The following TBC1D22A variants were observed in gnomAD, a reference collection of about 807,000 sequenced individuals.
TBC1D22A encodes TBC1 domain family member 22A, also known as putative GTPase activator.
In TBC1D22A, 38 loss-of-function variants were observed where a neutral mutation model predicts 60.2. The observed-to-expected ratio is 0.63, with a 90% confidence interval of 0.49 to 0.83. TBC1D22A has a LOEUF of 0.83. TBC1D22A is among the 40% of genes least tolerant of loss of function. The pLI is 0.00. For missense variants in TBC1D22A, 628 were observed against 701.0 expected (o/e 0.90, Z 1.18); for synonymous variants, 302 against 281.7 (o/e 1.07, Z -0.72).
chr22:46,829,696 C>A (rs189393075), intron 4 of TBC1D22A, among the ~76,000 whole-genome samples: 2 of 152,286 alleles, frequency 1.3e-5, no homozygotes, highest in African/African-American at 4.8e-5. Context: ...TTATTCATCC[C>A]GATGGGGCCA....
intron 10 of TBC1D22A, among the ~76,000 whole-genome samples, chr22:47,021,659 C>T (rs1168107615): frequency 6.6e-6 from 1 of 152,298 alleles, no homozygotes; most frequent in Non-Finnish European, 1.5e-5. Flanking sequence ...TAGCAGAACC[C>T]CACCTGTAGC....
At chr22:47,159,883 A>G (rs1236080633) in intron 12 of TBC1D22A, among the ~76,000 whole-genome samples, 1 of 146,580 alleles carries the variant, frequency 6.8e-6, no homozygotes, top group Non-Finnish European at 1.5e-5. Flanking sequence ...CACCCACCAT[A>G]CATGCACACA....
At chr22:47,070,337 G>T (rs2063934351) in intron 11 of TBC1D22A, among the ~76,000 whole-genome samples, 1 of 150,148 alleles carries the variant, frequency 6.7e-6, no homozygotes, top group African/African-American at 2.5e-5. Flanking sequence ...CCTGTTGTTT[G>T]GTTGGAGCGG....
At chr22:47,153,777 G>A (rs1014745097) in intron 12 of TBC1D22A, among the ~76,000 whole-genome samples, 23 of 152,176 alleles carry the variant, frequency 1.5e-4, no homozygotes, top group African/African-American at 4.3e-4. Context: ...AACTGGGGAC[G>A]ATGTCTGCAT....
At chr22:46,774,180 G>C (rs1177923194) in intron 1 of TBC1D22A, 1 of 985,468 alleles carries the variant, frequency 1.0e-6, no homozygotes, top group African/African-American at 1.7e-5. Context: ...GGCTCCTCCA[G>C]GCTGGGGGAA....
chr22:46,800,191 A>G (rs556965323), intron 4 of TBC1D22A, among the ~76,000 whole-genome samples: 10 of 152,102 alleles, frequency 6.6e-5, no homozygotes, highest in South Asian at 2.1e-4. Flanking sequence ...CTAACTTGCT[A>G]TTATTACAAA....
At chr22:47,164,351 G>C (rs1401457493) in intron 12 of TBC1D22A, among the ~76,000 whole-genome samples, 1 of 152,248 alleles carries the variant, frequency 6.6e-6, no homozygotes, top group Non-Finnish European at 1.5e-5. Context: ...TGATTTGGAG[G>C]CACTTGTCAC....
At position 47,004,229 on chromosome 22, in the gene TBC1D22A, A is replaced by G. The variant is rs2061503334; in HGVS notation, c.1201+6520A>G. ...TACACACACCCCTACACACACCCCTATATACACGCATCTGCCATATACACA... is the reference window on the plus strand; with the variant it reads ...TACACACACCCCTACACACACCCCTGTATACACGCATCTGCCATATACACA... On this transcript the variant is annotated intron_variant, in intron 10 of 12. Coordinates refer to ENST00000337137, the MANE Select transcript of TBC1D22A (RefSeq NM_014346.5). Among the ~76,000 whole-genome samples the G allele has an allele frequency of 2.0e-5, 3 of 147,826 alleles. No individual in the cohort carries two copies. In the South Asian group the frequency reaches 6.5e-4, roughly 32 times the overall value.
chr22:46,797,628 C>A lies in TBC1D22A; in HGVS notation c.637+8C>A. ...GCCCCAACACGGACCTTGGTAAGCACCCTGCCCTCTGGAGGACACACACAG... is the reference window on the plus strand; with the variant it reads ...GCCCCAACACGGACCTTGGTAAGCAACCTGCCCTCTGGAGGACACACACAG... On this transcript the variant is annotated splice_region_variant and intron_variant, in intron 4 of 12. Coordinates refer to ENST00000337137, the MANE Select transcript of TBC1D22A (RefSeq NM_014346.5). 9 of 1,595,692 alleles carry A rather than the reference C, an allele frequency of 5.6e-6. No individual in the cohort carries two copies. The highest frequency in any genetic ancestry group is 7.7e-6 in the Non-Finnish European group (9 of 1,169,956).
At chr22:46,904,860 C>T (rs2069341460) in intron 7 of TBC1D22A, among the ~76,000 whole-genome samples, 1 of 147,158 alleles carries the variant, frequency 6.8e-6, no homozygotes, top group Non-Finnish European at 1.5e-5. Flanking sequence ...CTGCCAGCTC[C>T]ACCTCCCGGG....
chr22:47,163,465 C>T (rs2068076676), intron 12 of TBC1D22A, among the ~76,000 whole-genome samples: 2 of 152,242 alleles, frequency 1.3e-5, no homozygotes, highest in Non-Finnish European at 2.9e-5. Context: ...AGCACAGGTG[C>T]ATCTGAAGGT....
chr22:46,836,081 A>G (rs1214506770), intron 4 of TBC1D22A, among the ~76,000 whole-genome samples: 1 of 152,240 alleles, frequency 6.6e-6, no homozygotes, highest in Non-Finnish European at 1.5e-5. Context: ...AAAGGGAGTT[A>G]AATTTGAAAT....
At chr22:46,949,250 G>C (rs2072747680) in intron 8 of TBC1D22A, among the ~76,000 whole-genome samples, 1 of 152,238 alleles carries the variant, frequency 6.6e-6, no homozygotes, top group Non-Finnish European at 1.5e-5. Flanking sequence ...CCATGAGCAT[G>C]ACAACAGCCG....
intron 8 of TBC1D22A, among the ~76,000 whole-genome samples, chr22:46,948,711 G>C (rs1195422754): frequency 6.6e-6 from 1 of 152,244 alleles, no homozygotes; most frequent in African/African-American, 2.4e-5. Context: ...CAAGAAGAAA[G>C]AAATGATAGT....
intron 1 of TBC1D22A, among the ~76,000 whole-genome samples, chr22:46,786,907 A>G (rs925480172): frequency 1.6e-4 from 24 of 151,948 alleles, no homozygotes; most frequent in African/African-American, 5.3e-4. Context: ...GCTGGTCTTG[A>G]ACTCCTGGGG....
intron 12 of TBC1D22A, among the ~76,000 whole-genome samples, chr22:47,114,646 A>G (rs1472801916): frequency 6.6e-6 from 1 of 152,140 alleles, no homozygotes; most frequent in African/African-American, 2.4e-5. Flanking sequence ...GGCCCAGAAC[A>G]TGATTCCCCA....
chr22:47,107,497 T>C (rs1433815151), intron 11 of TBC1D22A, among the ~76,000 whole-genome samples: 1 of 152,148 alleles, frequency 6.6e-6, no homozygotes, highest in Non-Finnish European at 1.5e-5. Flanking sequence ...TCATCAAAAA[T>C]ATGAACCTGT....
At chr22:46,845,318 A>G (rs376368505) in intron 4 of TBC1D22A, among the ~76,000 whole-genome samples, 61 of 152,366 alleles carry the variant, frequency 4.0e-4, no homozygotes, top group African/African-American at 1.4e-3. Flanking sequence ...AGTCTTCTAC[A>G]TGGATCCTGA....
At chr22:47,144,098 A>T (rs2067206840) in intron 12 of TBC1D22A, among the ~76,000 whole-genome samples, 1 of 152,224 alleles carries the variant, frequency 6.6e-6, no homozygotes, top group Non-Finnish European at 1.5e-5. Context: ...ACCTGAAGAC[A>T]TGGGAGACAA....
Sources: allele counts gnomAD v4.1 joint callset (sites outside exome capture counted in the v4.1 genomes callset), GRCh38; gene constraint gnomAD v4.1.1; transcripts MANE v1.5; gene names NCBI Gene and HGNC (gene_info 2026-07-23, HGNC 2026-07-21).